TRIM41: variants seen among roughly 807,000 people sequenced by gnomAD.
TRIM41 encodes the protein tripartite motif containing 41.
In TRIM41, 21 loss-of-function variants were observed where a neutral mutation model predicts 60.6. The ratio of observed to expected loss-of-function variants is 0.35; its 90% confidence interval spans 0.25 to 0.50. The LOEUF (loss-of-function observed/expected upper bound fraction) is 0.50. Ranked by LOEUF, TRIM41 falls within the 20% of genes least tolerant of loss-of-function variation. The pLI, the probability that TRIM41 is intolerant of heterozygous loss-of-function variation, is 0.98. For missense variants in TRIM41, 846 were observed against 868.3 expected (o/e 0.97, Z 0.32); for synonymous variants, 407 against 344.9 (o/e 1.18, Z -2.00).
chr5:181,233,965 G>T lies in TRIM41; in HGVS notation c.1291+202G>T, dbSNP rs1582283519. ...CTGGAGGGTGGGGTGGGGTGGAGTG[G>T]CAGGAAGAGCCAGGCTGGGGGAAGA... On this transcript the variant is annotated intron_variant, in intron 5 of 5. Transcript: ENST00000315073. The surrounding 1 kb of genome is among the most constrained non-coding windows in gnomAD (Gnocchi z 4.1). The T allele has an allele frequency of 4.3e-6, 5 of 1,159,160 alleles. No individual in the cohort carries two copies. In the East Asian group the frequency reaches 1.3e-4, roughly 29 times the overall value. The allele number at this position is 1,159,160 out of a possible 1,614,324, so 71.8% of individuals were successfully genotyped here. A position where few individuals can be genotyped will look rare whatever the true frequency, so the allele number is the denominator to read the frequency against.
chr5:181,228,877 C>A (rs552049893), intron 1 of TRIM41: 2 of 134,256 alleles, frequency 1.5e-5, no homozygotes, highest in Admixed American at 8.5e-5. Flanking sequence ...GATGTTGCAG[C>A]GAGCCGAGAT....
rs1447999719 is a variant in TRIM41 at position 181,234,315 on chromosome 5, C to T, written c.1433C>T (p.Ala478Val). ...RFSADCCVLG[A>V]QGFRSGRHYW... Reference sequence around the variant, plus strand: ...TCGGCCGACTGCTGCGTACTGGGGGCCCAGGGCTTCCGCTCCGGCCGGCAC... The same window carrying T: ...TCGGCCGACTGCTGCGTACTGGGGGTCCAGGGCTTCCGCTCCGGCCGGCAC... The change falls in exon 6 of 6, where the codon GCC (alanine) becomes GTC (valine). Residue 478 changes from alanine to valine, a missense_variant. By Grantham distance (64) the Ala-to-Val change is moderately conservative (BLOSUM62 0). Coordinates refer to ENST00000315073, the MANE Select transcript of TRIM41 (RefSeq NM_033549.5). This position sits in a 1 kb window ranked among gnomAD's most constrained non-coding sequence, Gnocchi z 5.6. 6.2e-7 allele frequency: 1 copy of T among 1,611,944 alleles called. No homozygotes were observed. Among genetic ancestry groups the T allele is most frequent in the Non-Finnish European group, 8.5e-7 (1 of 1,179,490 alleles).
chr5:181,227,183 T>G (rs747740944), intron 1 of TRIM41: 1 of 151,746 alleles, frequency 6.6e-6, no homozygotes, highest in Non-Finnish European at 1.5e-5. Flanking sequence ...ATACTCTCTT[T>G]TCTTGATCTG....
intron 1 of TRIM41, chr5:181,230,421 C>T (rs147580980): frequency 0.026 from 3,977 of 153,136 alleles, 126 homozygotes; most frequent in African/African-American, 0.086. Context: ...CGCTTGAATC[C>T]GGGAGGTGGA....
chr5:181,233,742 A>G lies in TRIM41; in HGVS notation c.1270A>G (p.Met424Val), dbSNP rs752199904. The change falls in exon 5 of 6, where the codon ATG becomes GTG. Residue 424 changes from methionine to valine, a missense_variant. Met to Val is a conservative substitution (Grantham distance 21). Coordinates refer to ENST00000315073, the MANE Select transcript of TRIM41 (RefSeq NM_033549.5). This position sits in a 1 kb window ranked among gnomAD's most constrained non-coding sequence, Gnocchi z 4.1. ...TDAIVRKMSR[M>V]FCQAARVDLT... is the part of the protein sequence containing the mutation. ...TGCCATCGTGAGGAAAATGAGCCGG[A>G]TGTTCTGTCAGGCTGCGAGAGGTAG... The G allele has an allele frequency of 3.7e-6, 6 of 1,614,140 alleles. No homozygotes were observed. Among genetic ancestry groups the G allele is most frequent in the Non-Finnish European group, 5.1e-6 (6 of 1,180,024 alleles).
Position 181,235,555 on chromosome 5 carries a change from C to T in TRIM41, c.*780C>T. On this transcript the variant is annotated 3_prime_UTR_variant, in exon 6 of 6. Coordinates refer to ENST00000315073, the MANE Select transcript of TRIM41 (RefSeq NM_033549.5). Reference sequence around the variant, plus strand: ...TCTGCTCACTGCCAGGCTCCTCTCCCCTTTGTTCAGTGGAGCTGGCTTTTC... The same window carrying T: ...TCTGCTCACTGCCAGGCTCCTCTCCTCTTTGTTCAGTGGAGCTGGCTTTTC... 4 of 961,516 alleles carry T rather than the reference C, an allele frequency of 4.2e-6. No homozygotes were observed. Among genetic ancestry groups the T allele is most frequent in the South Asian group, 1.6e-5 (1 of 63,832 alleles). 59.6% of individuals were successfully genotyped at this position (961,516 alleles called of 1,614,324 possible).
chr5:181,228,949 A>C (rs1376126536), intron 1 of TRIM41: 7 of 148,584 alleles, frequency 4.7e-5, no homozygotes, highest in South Asian at 2.1e-4. Flanking sequence ...AAAAAAAAAA[A>C]AAAAAAAAAC....
intron 1 of TRIM41, chr5:181,230,071 GC>G (rs958695310): frequency 3.3e-5 from 5 of 152,300 alleles, no homozygotes; most frequent in African/African-American, 1.2e-4. Flanking sequence ...GGGGAAGATC[GC>G]CTGTGAAGGG....
Position 181,235,369 on chromosome 5 carries a change from G to C in TRIM41, c.*594G>C, listed in dbSNP as rs143515521. ...ACCTCCATAGACCGGCCAGAATTTA[G>C]CTTCACTTGAGAGAGATCTGGAATG... On this transcript the variant is annotated 3_prime_UTR_variant, in exon 6 of 6. Transcript: ENST00000315073. 6.2e-7 allele frequency: 1 copy of C among 1,614,178 alleles called. No individual in the cohort carries two copies. Among genetic ancestry groups the C allele is most frequent in the Non-Finnish European group, 8.5e-7 (1 of 1,180,026 alleles).
At position 181,233,497 on chromosome 5, in the gene TRIM41, C is replaced by G; in HGVS notation, c.1163+62C>G. ...CATCTGGTTCCCTGTCCCTGCTTCTCTTCGGTATCCCTCTCCTCTCCTTCC... is the reference window on the plus strand; with the variant it reads ...CATCTGGTTCCCTGTCCCTGCTTCTGTTCGGTATCCCTCTCCTCTCCTTCC... On this transcript the variant is annotated intron_variant, in intron 4 of 5. Coordinates refer to ENST00000315073, the MANE Select transcript of TRIM41 (RefSeq NM_033549.5). The surrounding 1 kb of genome is among the most constrained non-coding windows in gnomAD (Gnocchi z 4.1). The G allele has an allele frequency of 6.2e-7, 1 of 1,613,906 alleles. No homozygotes were observed. Among genetic ancestry groups the G allele is most frequent in the South Asian group, 1.1e-5 (1 of 91,076 alleles).
In TRIM41 at chr5:181,223,687, G is replaced by A. The variant is rs1758394007; in HGVS notation, c.-313G>A. 4 of 483,438 alleles carry A rather than the reference G, an allele frequency of 8.3e-6. No individual in the cohort carries two copies. The highest frequency in any genetic ancestry group is 7.7e-5 in the African/African-American group (4 of 52,186). 29.9% of individuals were successfully genotyped at this position (483,438 alleles called of 1,614,324 possible). A position where few individuals can be genotyped will look rare whatever the true frequency, so the allele number is the denominator to read the frequency against. On this transcript the variant is annotated 5_prime_UTR_variant, in exon 1 of 6. Transcript: ENST00000315073. ...GGCCGGAAGCTAGGGGCGGGGCCAG[G>A]AAGTGAGGAGGGGCGGGGGTTTATG...
In TRIM41 at chr5:181,224,296, C is replaced by T. The variant is rs747087021; in HGVS notation, c.297C>T (p.Val99=). 1 of 1,613,554 alleles carries T rather than the reference C, an allele frequency of 6.2e-7. No individual in the cohort carries two copies. The change falls in exon 1 of 6, where the codon GTC becomes GTT. Residue 99 remains valine (V), a synonymous_variant. Transcript: ENST00000315073. ...ACGAGGGTGACATGGAGGAGGAGGT[C>T]GAGGAGGAAGAAGAGGGTGTGTTCT... ...EDYEGDMEEE[V]EEEEEGVFWT... is the part of the protein sequence containing the mutation.
At position 181,233,050 on chromosome 5, in the gene TRIM41, A is replaced by G; in HGVS notation, c.1140+161A>G. On this transcript the variant is annotated intron_variant, in intron 3 of 5. Coordinates refer to ENST00000315073, the MANE Select transcript of TRIM41 (RefSeq NM_033549.5). This position sits in a 1 kb window ranked among gnomAD's most constrained non-coding sequence, Gnocchi z 4.1. ...TGTTTTAAAGCTGGAAACAGAGTTA[A>G]TGTCGAATGTGGTATGTGTGGCGAT... 2.5e-6 allele frequency: 2 copies of G among 793,620 alleles called. No individual in the cohort carries two copies. Among genetic ancestry groups the G allele is most frequent in the Non-Finnish European group, 4.3e-6 (2 of 468,798 alleles). 49.2% of individuals were successfully genotyped at this position (793,620 alleles called of 1,614,324 possible).
In TRIM41 at chr5:181,224,739, T is replaced by A; in HGVS notation, c.740T>A (p.Val247Glu). The A allele has an allele frequency of 6.2e-7, 1 of 1,614,146 alleles. No homozygotes were observed. The highest frequency in any genetic ancestry group is 1.1e-5 in the South Asian group (1 of 91,076). ...GAGGTAGACGAAGAGGCCATCTGTG[T>A]GGTGTGCCGAGAATCCAGGAGCCAC... ...FCEVDEEAIC[V>E]VCRESRSHKQ... Residue 247 changes from valine to glutamate, a missense_variant, in exon 1 of 6, where the codon GTG (valine) becomes GAG (glutamate). Val to Glu is a moderately radical substitution (Grantham distance 121). Coordinates refer to ENST00000315073, the MANE Select transcript of TRIM41 (RefSeq NM_033549.5).
intron 2 of TRIM41, 43 bp from the exon 3 acceptor site, chr5:181,232,616 A>C: frequency 6.4e-7 from 1 of 1,573,332 alleles, no homozygotes; most frequent in Non-Finnish European, 8.6e-7. Flanking sequence ...TTATCTTCGT[A>C]CGTGTTGAGG....
Position 181,235,090 on chromosome 5 carries a change from A to C in TRIM41, c.*315A>C. 3 of 1,607,280 alleles carry C rather than the reference A, an allele frequency of 1.9e-6. No individual in the cohort carries two copies. The highest frequency in any genetic ancestry group is 2.5e-6 in the Non-Finnish European group (3 of 1,177,280). On this transcript the variant is annotated 3_prime_UTR_variant, in exon 6 of 6. Transcript: ENST00000315073. ...GGGACTGGAATTTGAGTAGGGGATGAGGGGAAATTGTAATTTCATTCCTTA... is the reference window on the plus strand; with the variant it reads ...GGGACTGGAATTTGAGTAGGGGATGCGGGGAAATTGTAATTTCATTCCTTA...
At position 181,234,028 on chromosome 5, in the gene TRIM41, A is replaced by G. The variant is rs1758930906; in HGVS notation, c.1292-146A>G. ...CCTAGGAACAAGAGTGAGGAGCAAGATGAGCCTGCAGGAATCTGAGGCTGG... is the reference window on the plus strand; with the variant it reads ...CCTAGGAACAAGAGTGAGGAGCAAGGTGAGCCTGCAGGAATCTGAGGCTGG... On this transcript the variant is annotated intron_variant, in intron 5 of 5. Transcript: ENST00000315073. This position sits in a 1 kb window ranked among gnomAD's most constrained non-coding sequence, Gnocchi z 5.6. 13 of 1,407,644 alleles carry G rather than the reference A, an allele frequency of 9.2e-6. No homozygotes were observed. Among genetic ancestry groups the G allele is most frequent in the African/African-American group, 2.8e-5 (2 of 71,156 alleles). The allele number at this position is 1,407,644 out of a possible 1,614,324, so 87.2% of individuals were successfully genotyped here. A position where few individuals can be genotyped will look rare whatever the true frequency, so the allele number is the denominator to read the frequency against.
Position 181,223,835 on chromosome 5 carries a change from C to CTG in TRIM41, c.-161_-160dup, listed in dbSNP as rs139637485. The CTG allele has an allele frequency of 0.11, 74,855 of 681,060 alleles. 11,333 individuals carry two copies. The highest frequency in any genetic ancestry group is 0.58 in the African/African-American group (31,837 of 54,896). The allele number at this position is 681,060 out of a possible 1,614,324, so 42.2% of individuals were successfully genotyped here. A position where few individuals can be genotyped will look rare whatever the true frequency, so the allele number is the denominator to read the frequency against. ...GGTTGTCGTTTGGGAGTAGGGAACA[C>CTG]TGTGTTGGGGTGGGTTGTCGGCAGG... is the stretch of plus-strand genomic sequence containing the variant. On this transcript the variant is annotated 5_prime_UTR_variant, in exon 1 of 6. Coordinates refer to ENST00000315073, the MANE Select transcript of TRIM41 (RefSeq NM_033549.5).
chr5:181,226,566 C>CTGT (rs936582186), intron 1 of TRIM41: 1 of 152,236 alleles, frequency 6.6e-6, no homozygotes, highest in Non-Finnish European at 1.5e-5. Context: ...CATTGCCTAG[C>CTGT]TGTTAGTCCC....
Sources: allele counts gnomAD v4.1 joint callset, GRCh38; gene constraint gnomAD v4.1.1; non-coding constraint Gnocchi (gnomAD v3.1); transcripts MANE v1.5; gene names NCBI Gene and HGNC (gene_info 2026-07-23, HGNC 2026-07-21).